The following LY9 variants were observed in gnomAD, a reference collection of about 807,000 sequenced individuals.
LY9 encodes T-lymphocyte surface antigen Ly-9.
LY9 carries 59 observed loss-of-function variants against 64.6 expected under a neutral mutation model. That is an observed-to-expected ratio of 0.91 (90% CI 0.74 to 1.13). The LOEUF (loss-of-function observed/expected upper bound fraction) is 1.13. LY9 is among the 50% of genes most tolerant of loss of function. LY9 has a pLI of 0.00. For synonymous variants in LY9, 281 were observed against 308.5 expected (o/e 0.91, Z 0.93); for missense variants, 789 against 797.2 (o/e 0.99, Z 0.12).
Position 160,814,473 on chromosome 1 carries a change from G to C in LY9, c.784G>C (p.Gly262Arg). The C allele has an allele frequency of 6.2e-7, 1 of 1,614,060 alleles. No homozygotes were observed. Among genetic ancestry groups the C allele is most frequent in the Non-Finnish European group, 8.5e-7 (1 of 1,179,980 alleles). ...TTGETVVGVL[G>R]EPVTLPLALP... ...GGGGGAGACTGTGGTAGGGGTCCTGGGAGAGCCAGTCACCCTGCCACTTGC... is the reference window on the plus strand; with the variant it reads ...GGGGGAGACTGTGGTAGGGGTCCTGCGAGAGCCAGTCACCCTGCCACTTGC... The change falls in exon 4 of 10, where the codon GGA becomes CGA. Residue 262 changes from glycine (G) to arginine (R), a missense_variant. Physicochemically the swap from Gly to Arg is moderately radical, Grantham distance 125. Transcript: ENST00000263285.
Position 160,824,124 on chromosome 1 carries a change from A to G in LY9, c.1831-57A>G, listed in dbSNP as rs557853287. ...TCCCCTCTCCTCAAGGGTTGAGGGTAAAACTGAAAAGCTCTCATGTGGTCA... is the reference window on the plus strand; with the variant it reads ...TCCCCTCTCCTCAAGGGTTGAGGGTGAAACTGAAAAGCTCTCATGTGGTCA... On this transcript the variant is annotated intron_variant, in intron 8 of 9. Transcript: ENST00000263285. The G allele has an allele frequency of 2.5e-6, 4 of 1,609,300 alleles. No individual in the cohort carries two copies. In the East Asian group the frequency reaches 8.9e-5, roughly 36 times the overall value.
chr1:160,821,486 T>A (rs971409538), intron 7 of LY9, among the ~76,000 whole-genome samples: 1 of 152,266 alleles, frequency 6.6e-6, no homozygotes, highest in African/African-American at 2.4e-5. Context: ...TTTGTTTAAC[T>A]AATTTACTTT....
chr1:160,797,405 C>T (rs1665995995), intron 1 of LY9: 1 of 426,046 alleles, frequency 2.3e-6, no homozygotes, highest in Non-Finnish European at 3.1e-6. Context: ...AGTCTGACCT[C>T]TTTTCACTTT....
intron 2 of LY9, among the ~76,000 whole-genome samples, chr1:160,803,301 T>TTTA (rs1553256967): frequency 6.6e-6 from 1 of 151,646 alleles, no homozygotes; most frequent in African/African-American, 2.4e-5. Context: ...TTTTTTTTTT[T>TTTA]AAAAAGTATT....
chr1:160,823,900 C>T (rs950691941), intron 8 of LY9, 104 bp downstream of exon 8: 2 of 975,144 alleles, frequency 2.1e-6, no homozygotes, highest in African/African-American at 1.6e-5. Flanking sequence ...GGCCTGGAAA[C>T]AGGACTAGGG....
chr1:160,798,263 A>C (rs1232355024), intron 1 of LY9, among the ~76,000 whole-genome samples: 2 of 152,160 alleles, frequency 1.3e-5, no homozygotes, highest in African/African-American at 2.4e-5. Context: ...TCCAGGATAC[A>C]GATGGGCAGT....
chr1:160,817,007 T>A lies in LY9; in HGVS notation c.1342+144T>A. The A allele has an allele frequency of 4.3e-6, 3 of 700,904 alleles. No homozygotes were observed. In the South Asian group the frequency reaches 6.0e-5, roughly 14 times the overall value. 43.4% of individuals were successfully genotyped at this position (700,904 alleles called of 1,614,324 possible). On this transcript the variant is annotated intron_variant, in intron 5 of 9. Transcript: ENST00000263285. ...GCATGCTTCCACAGATATATGAGAG[T>A]CACGCATGTGATTTTAATGTTCTAA...
intron 8 of LY9, 83 bp from the exon 9 acceptor site, chr1:160,824,098 A>T (rs1185506947): frequency 2.6e-6 from 4 of 1,544,416 alleles, no homozygotes; most frequent in Non-Finnish European, 3.6e-6. Context: ...GCCAGGGGGT[A>T]TCCCCTCTCC....
intron 7 of LY9, among the ~76,000 whole-genome samples, chr1:160,821,100 C>T (rs1402880270): frequency 1.4e-5 from 2 of 138,286 alleles, no homozygotes; most frequent in Non-Finnish European, 3.0e-5. Flanking sequence ...TTGCAGTGAG[C>T]TGAGACTGCA....
chr1:160,800,123 T>G (rs1309497761), intron 2 of LY9, 41 bp downstream of exon 2: 11 of 1,522,024 alleles, frequency 7.2e-6, no homozygotes, highest in Non-Finnish European at 9.9e-6. Flanking sequence ...CTTTTCTTTT[T>G]TTTATTTGTG....
At chr1:160,816,396 G>A (rs762292208) in intron 4 of LY9, among the ~76,000 whole-genome samples, 198 bp from the exon 5 acceptor site, 2 of 152,182 alleles carry the variant, frequency 1.3e-5, no homozygotes, top group Non-Finnish European at 1.5e-5. Context: ...TGAGCATCAA[G>A]AGGCAAAGAG....
chr1:160,799,721 T>G, intron 1 of LY9, 32 bp from the exon 2 acceptor site: 4 of 1,417,734 alleles, frequency 2.8e-6, no homozygotes, highest in Non-Finnish European at 3.9e-6. Flanking sequence ...GGAGTCTAGC[T>G]GCTCCTCCAA....
At position 160,819,205 on chromosome 1, in the gene LY9, C is replaced by T; in HGVS notation, c.1445-116C>T. 3 of 820,278 alleles carry T rather than the reference C, an allele frequency of 3.7e-6. No individual in the cohort carries two copies. In the Admixed American group the frequency reaches 5.3e-5, roughly 14 times the overall value. 50.8% of individuals were successfully genotyped at this position (820,278 alleles called of 1,614,324 possible). ...CAGGGTTCATCCTCCTTCCTGAAGC[C>T]TTTTCCCTGTCTATGTCCCAGAAGT... On this transcript the variant is annotated intron_variant, in intron 6 of 9. Transcript: ENST00000263285.
intron 2 of LY9, among the ~76,000 whole-genome samples, chr1:160,808,882 A>G (rs897716485): frequency 6.6e-6 from 1 of 152,196 alleles, no homozygotes. Flanking sequence ...TCTCTAGGAT[A>G]AATATGACTA....
chr1:160,805,919 C>CTTTT (rs60244350), intron 2 of LY9, among the ~76,000 whole-genome samples: 2 of 72,454 alleles, frequency 2.8e-5, no homozygotes, highest in Admixed American at 1.4e-4. Flanking sequence ...CATTCTTTGT[C>CTTTT]TTTTTTTTTT....
chr1:160,819,836 AAAGG>A (rs758315397), intron 7 of LY9, among the ~76,000 whole-genome samples: 16 of 109,262 alleles, frequency 1.5e-4, no homozygotes, highest in African/African-American at 4.7e-4. Context: ...AGAGAGAAAG[AAAGG>A]AAGGAAGGAA....
rs1667969616 is a variant in LY9 at position 160,816,614 on chromosome 1, A to G, written c.1093A>G (p.Ile365Val). The change falls in exon 5 of 10, where the codon ATC becomes GTC. Residue 365 changes from isoleucine to valine, a missense_variant. Transcript: ENST00000263285. ...LIYRRLRKPK[I>V]TWSLRHSEDG... is the part of the protein sequence containing the mutation. ...CACAGGCAGGCTGAGGAAGCCCAAA[A>G]TCACGTGGAGCCTCAGGCACAGTGA... 2 of 1,607,478 alleles carry G rather than the reference A, an allele frequency of 1.2e-6. No individual in the cohort carries two copies. Among genetic ancestry groups the G allele is most frequent in the African/African-American group, 2.7e-5 (2 of 74,932 alleles).
rs1666289527 is a variant in LY9 at position 160,799,972 on chromosome 1, C to A, written c.344C>A (p.Ser115Tyr). ...CTAGACATCACCAAGTGGAGTTACT[C>A]CCTGTGCATCAGCAATCTGACTCTG... ...GRLDITKWSY[S>Y]LCISNLTLND... is the part of the protein sequence containing the mutation. The change falls in exon 2 of 10, where the codon TCC (serine) becomes TAC (tyrosine). Residue 115 changes from serine (S) to tyrosine (Y), a missense_variant. Ser to Tyr is a moderately radical substitution (Grantham distance 144). Transcript: ENST00000263285. The A allele has an allele frequency of 6.2e-7, 1 of 1,614,006 alleles. No homozygotes were observed. The highest frequency in any genetic ancestry group is 8.5e-7 in the Non-Finnish European group (1 of 1,179,984).
chr1:160,808,494 A>G (rs913855448), intron 2 of LY9, among the ~76,000 whole-genome samples: 3 of 152,040 alleles, frequency 2.0e-5, no homozygotes, highest in South Asian at 2.1e-4. Context: ...GCAGCTCCCT[A>G]TGGTAGTTTC....
Sources: gnomAD v4.1 joint callset for allele counts (sites outside exome capture counted in the v4.1 genomes callset) on GRCh38, gnomAD v4.1.1 for gene constraint, MANE v1.5 for transcripts, NCBI Gene and HGNC (gene_info 2026-07-23, HGNC 2026-07-21) for gene names.